Variants in DCAF17 observed in about 807,000 individuals in gnomAD.
DCAF17 encodes the protein DDB1- and CUL4-associated factor 17.
Under a neutral mutation model 66.0 loss-of-function variants are expected in DCAF17, and 48 were observed. The observed-to-expected ratio is 0.73, with a 90% CI of 0.58 to 0.92. The LOEUF is 0.92. Among genes scored for constraint, DCAF17 ranks in the 40% least tolerant of loss-of-function variants. DCAF17 has a pLI of 0.00. For synonymous variants in DCAF17, 206 were observed against 214.6 expected (o/e 0.96, Z 0.35); for missense variants, 562 against 622.8 (o/e 0.90, Z 1.04).
chr2:171,458,832 CT>C (rs1189141414), intron 8 of DCAF17, among the ~76,000 whole-genome samples: 2 of 152,092 alleles, frequency 1.3e-5, no homozygotes, highest in East Asian at 3.8e-4. Context: ...AATTTACCCC[CT>C]CTCTAAGAAA....
intron 5 of DCAF17, among the ~76,000 whole-genome samples, chr2:171,452,230 GGCTGTGATGGGGCAGACA>G (rs1314769180): frequency 1.3e-5 from 2 of 152,078 alleles, no homozygotes; most frequent in African/African-American, 2.4e-5. Flanking sequence ...AGCAGAGACT[GGCTGTGATGGGGCAGACA>G]GCTTTGCCTA....
intron 3 of DCAF17, among the ~76,000 whole-genome samples, chr2:171,447,127 G>A (rs140452570): frequency 0.012 from 1,777 of 151,392 alleles, 41 homozygotes; most frequent in African/African-American, 0.041. Context: ...ATTTATAATT[G>A]TGAGTTTTTT....
chr2:171,436,067 A>G (rs898014888), intron 2 of DCAF17, among the ~76,000 whole-genome samples: 1 of 152,212 alleles, frequency 6.6e-6, no homozygotes, highest in Admixed American at 6.5e-5. Context: ...CTTTTCATAT[A>G]AATGGAATCA....
In DCAF17 at chr2:171,458,069, T is replaced by C. The variant is rs952455478; in HGVS notation, c.726T>C (p.Ala242=). ...GACTCTATAGCTTCCAAACCATCGC[T>C]GAACAGGTAGAGAAAACTGAAATTT... is the stretch of plus-strand genomic sequence containing the variant. ...LVRLYSFQTI[A]EQFMQQKLDL... is the part of the protein sequence containing the mutation. The change falls in exon 7 of 14, where the codon GCT becomes GCC. Residue 242 remains alanine (A), a synonymous_variant. Transcript: ENST00000375255. 1 of 1,613,492 alleles carries C rather than the reference T, an allele frequency of 6.2e-7. No individual in the cohort carries two copies. The highest frequency in any genetic ancestry group is 8.5e-7 in the Non-Finnish European group (1 of 1,179,546).
Position 171,449,977 on chromosome 2 carries a change from C to G in DCAF17, c.537+20C>G, listed in dbSNP as rs1249361854. ...CGGCAGGTATACATATTTAAACATTCAATAAAATGAAGACTCTTTTTCATA... is the reference window on the plus strand; with the variant it reads ...CGGCAGGTATACATATTTAAACATTGAATAAAATGAAGACTCTTTTTCATA... On this transcript the variant is annotated intron_variant, in intron 5 of 13. Coordinates refer to ENST00000375255, the MANE Select transcript of DCAF17 (RefSeq NM_025000.4). 1.3e-6 allele frequency: 2 copies of G among 1,587,270 alleles called. No homozygotes were observed. Among genetic ancestry groups the G allele is most frequent in the African/African-American group, 1.3e-5 (1 of 74,334 alleles).
rs993975600 is a variant in DCAF17, at chr2:171,458,125, T to G, written c.732+50T>G. On this transcript the variant is annotated intron_variant, in intron 7 of 13. Transcript: ENST00000375255. ...GTTACTATTAGCATGAGTTTTCGACTAAAGTATGATTTTTTTTTTTAGTGA... is the reference window on the plus strand; with the variant it reads ...GTTACTATTAGCATGAGTTTTCGACGAAAGTATGATTTTTTTTTTTAGTGA... The G allele has an allele frequency of 4.0e-6, 6 of 1,511,028 alleles. No homozygotes were observed. In the South Asian group the frequency reaches 4.5e-5, roughly 11 times the overall value. 93.6% of individuals were successfully genotyped at this position (1,511,028 alleles called of 1,614,324 possible).
intron 5 of DCAF17, 104 bp from the exon 6 acceptor site, chr2:171,453,020 T>C: frequency 1.4e-6 from 1 of 706,938 alleles, no homozygotes; most frequent in Non-Finnish European, 2.3e-6. Context: ...TGAAAATGTC[T>C]GTATAACTAC....
chr2:171,469,226 A>G (rs1464258930), intron 9 of DCAF17, among the ~76,000 whole-genome samples, 196 bp downstream of exon 9: 2 of 152,242 alleles, frequency 1.3e-5, no homozygotes. Flanking sequence ...TAAAACGTTA[A>G]CATTTGAAAA....
rs1402390975 is a variant in DCAF17, at chr2:171,481,636, A to C, written c.*522A>C. On this transcript the variant is annotated 3_prime_UTR_variant, in exon 14 of 14. Coordinates refer to ENST00000375255, the MANE Select transcript of DCAF17 (RefSeq NM_025000.4). ...AAAATGTGTCATCACAGTTTTTAAA[A>C]ATCTTATATATGTATTTATATGTGT... is the stretch of plus-strand genomic sequence containing the variant. 2.2e-6 allele frequency: 1 copy of C among 453,788 alleles called. No individual in the cohort carries two copies. Among genetic ancestry groups the C allele is most frequent in the Non-Finnish European group, 4.4e-6 (1 of 226,692 alleles). The allele number at this position is 453,788 out of a possible 1,614,324, so 28.1% of individuals were successfully genotyped here.
rs1695051585 is a variant in DCAF17 at position 171,453,148 on chromosome 2, C to G, written c.562C>G (p.Leu188Val). 2 of 1,611,708 alleles carry G rather than the reference C, an allele frequency of 1.2e-6. 1 individual carries two copies. Among genetic ancestry groups the G allele is most frequent in the Admixed American group, 3.3e-5 (2 of 59,762 alleles). Residue 188 changes from leucine to valine, a missense_variant, in exon 6 of 14, where the codon CTG becomes GTG. By Grantham distance (32) the Leu-to-Val change is conservative. Coordinates refer to ENST00000375255, the MANE Select transcript of DCAF17 (RefSeq NM_025000.4). ...GGCAGGCATTCAACAACATGTTTTGCTGTACCTTGCAGTGTTCCGAGTTCT... is the reference window on the plus strand; with the variant it reads ...GGCAGGCATTCAACAACATGTTTTGGTGTACCTTGCAGTGTTCCGAGTTCT... ...RQAGIQQHVL[L>V]YLAVFRVLPF...
In DCAF17 at chr2:171,456,218, A is replaced by G. The variant is rs1448958876; in HGVS notation, c.628-1753A>G. ...GGTGTAAGGAAGGGGTCGAGTTTCAATTTTCTGCATATGGCTAGCCAGTTA... is the reference window on the plus strand; with the variant it reads ...GGTGTAAGGAAGGGGTCGAGTTTCAGTTTTCTGCATATGGCTAGCCAGTTA... On this transcript the variant is annotated intron_variant, in intron 6 of 13. Coordinates refer to ENST00000375255, the MANE Select transcript of DCAF17 (RefSeq NM_025000.4). Among the ~76,000 whole-genome samples the G allele has an allele frequency of 4.6e-5, 7 of 152,174 alleles. 1 individual carries two copies. The highest frequency in any genetic ancestry group is 4.2e-4 in the South Asian group (2 of 4,814).
intron 6 of DCAF17, among the ~76,000 whole-genome samples, chr2:171,457,581 A>T (rs186369094): frequency 3.3e-4 from 51 of 152,374 alleles, no homozygotes; most frequent in African/African-American, 1.2e-3. Flanking sequence ...ACATTTTAGC[A>T]TAAAGAATTG....
rs566098911 is a variant in DCAF17 at position 171,434,519 on chromosome 2, G to A, written c.-59G>A. The A allele has an allele frequency of 2.7e-4, 415 of 1,522,794 alleles. 1 individual carries two copies. In the African/African-American group the frequency reaches 5.2e-3, roughly 19 times the overall value. The allele number at this position is 1,522,794 out of a possible 1,614,324, so 94.3% of individuals were successfully genotyped here. On this transcript the variant is annotated 5_prime_UTR_variant, in exon 1 of 14. Transcript: ENST00000375255. ...GAAGGCAGCGGCGGCTGCCCAGCAC[G>A]GGAGTGTGGGGCGCGCCACTCGGCG...
chr2:171,444,975 A>G (rs1468170710), intron 3 of DCAF17, among the ~76,000 whole-genome samples: 3 of 152,182 alleles, frequency 2.0e-5, no homozygotes, highest in African/African-American at 7.2e-5. Context: ...CCTTATTGAA[A>G]GCTAAAAGTA....
intron 1 of DCAF17, 157 bp from the exon 2 acceptor site, chr2:171,434,926 T>C: frequency 9.7e-7 from 1 of 1,032,168 alleles, no homozygotes; most frequent in South Asian, 1.7e-5. Flanking sequence ...ATTCTAAAAG[T>C]TGGTCACCTC....
intron 8 of DCAF17, among the ~76,000 whole-genome samples, chr2:171,458,868 A>G (rs989271510): frequency 6.6e-6 from 1 of 152,136 alleles, no homozygotes; most frequent in Non-Finnish European, 1.5e-5. Context: ...AAAAATTTTT[A>G]CCATGACATC....
chr2:171,437,736 C>T (rs1307312177), intron 2 of DCAF17, among the ~76,000 whole-genome samples: 4 of 152,130 alleles, frequency 2.6e-5, no homozygotes, highest in South Asian at 4.1e-4. Flanking sequence ...ATTGTTTTAA[C>T]GTCCATGAGA....
rs891108882 is a variant in DCAF17 at position 171,481,596 on chromosome 2, C to T, written c.*482C>T. 1 of 453,954 alleles carries T rather than the reference C, an allele frequency of 2.2e-6. No homozygotes were observed. Among genetic ancestry groups the T allele is most frequent in the Non-Finnish European group, 4.4e-6 (1 of 226,720 alleles). 28.1% of individuals were successfully genotyped at this position (453,954 alleles called of 1,614,324 possible). ...AGAAATGAGATGTGTTATGTGAGAA[C>T]ATTATTTTGAGCCCAAAATGTGTCA... On this transcript the variant is annotated 3_prime_UTR_variant, in exon 14 of 14. Transcript: ENST00000375255.
chr2:171,446,143 A>G (rs575673492), intron 3 of DCAF17, among the ~76,000 whole-genome samples: 1 of 152,328 alleles, frequency 6.6e-6, no homozygotes, highest in Non-Finnish European at 1.5e-5. Context: ...ATACTTACGA[A>G]AGGAACATTG....
Sources: allele counts gnomAD v4.1 joint callset (sites outside exome capture counted in the v4.1 genomes callset), GRCh38; gene constraint gnomAD v4.1.1; transcripts MANE v1.5; gene names NCBI Gene and HGNC (gene_info 2026-07-23, HGNC 2026-07-21).